The following KCNB2 variants were observed in gnomAD, a reference collection of about 807,000 sequenced individuals.
KCNB2 encodes delayed rectifier potassium channel protein.
A neutral mutation model predicts 61.5 loss-of-function variants in KCNB2; 15 were observed. The ratio of observed to expected loss-of-function variants is 0.24; its 90% CI spans 0.16 to 0.38. KCNB2 has a LOEUF of 0.38. KCNB2 is among the 10% of genes least tolerant of loss of function. The pLI is 1.00. For missense variants in KCNB2, 828 were observed against 1,125.2 expected (o/e 0.74, Z 3.78); for synonymous variants, 457 against 446.0 (o/e 1.02, Z -0.31).
chr8:72,641,786 C>T (rs1806059716), intron 2 of KCNB2, among the ~76,000 whole-genome samples: 1 of 152,076 alleles, frequency 6.6e-6, no homozygotes, highest in Non-Finnish European at 1.5e-5. Context: ...TTACCTACCT[C>T]ATAGGCTAGT....
intron 2 of KCNB2, among the ~76,000 whole-genome samples, chr8:72,830,064 GTCT>G (rs1026400048): frequency 6.6e-6 from 1 of 151,282 alleles, no homozygotes; most frequent in African/African-American, 2.4e-5. Flanking sequence ...AGAATATCCA[GTCT>G]TCTTCAAAAT....
At position 72,859,706 on chromosome 8, in the gene KCNB2, C is replaced by CTTTTTTTTTTTTTTTT. The variant is rs1810264452; in HGVS notation, c.580-76229_580-76228insTTTTTTTTTTTTTTTT. Among the ~76,000 whole-genome samples the CTTTTTTTTTTTTTTTT allele has an allele frequency of 1.4e-4, 10 of 73,448 alleles. 4 individuals are homozygous for CTTTTTTTTTTTTTTTT. The highest frequency in any genetic ancestry group is 2.4e-5 in the Non-Finnish European group (1 of 41,236). The allele number at this position is 73,448 out of a possible 152,430, so 48.2% of individuals were successfully genotyped here. The stretch of plus-strand genomic sequence containing the variant: ...TGTAGCATGGATCAGTACTTCATTT[C>CTTTTTTTTTTTTTTTT]GTTTTTTTTTTTTTTTTTTTTTTTT... On this transcript the variant is annotated intron_variant, in intron 2 of 2. Transcript: ENST00000523207.
intron 2 of KCNB2, among the ~76,000 whole-genome samples, chr8:72,836,376 T>C (rs1809782990): frequency 6.6e-6 from 1 of 152,200 alleles, no homozygotes; most frequent in Admixed American, 6.5e-5. Flanking sequence ...ATCGACTGAA[T>C]AGAAAATGGA....
At chr8:72,751,553 T>C (rs1808187857) in intron 2 of KCNB2, 2 of 152,122 alleles carry the variant, frequency 1.3e-5, no homozygotes, top group South Asian at 4.2e-4. Context: ...GCAAACTAAC[T>C]ATGCTAAGGT....
chr8:72,767,889 T>C (rs1342937956), intron 2 of KCNB2, among the ~76,000 whole-genome samples: 1 of 152,160 alleles, frequency 6.6e-6, no homozygotes, highest in Non-Finnish European at 1.5e-5. Flanking sequence ...TTAGTATTTG[T>C]CTTTTTTATT....
chr8:72,915,605 G>A (rs941848020), intron 2 of KCNB2, among the ~76,000 whole-genome samples: 2 of 152,116 alleles, frequency 1.3e-5, no homozygotes, highest in Admixed American at 1.3e-4. Flanking sequence ...ATGAAATAAA[G>A]GCAGTATTTT....
chr8:72,726,681 T>A (rs916434624), intron 2 of KCNB2, among the ~76,000 whole-genome samples: 2 of 152,248 alleles, frequency 1.3e-5, no homozygotes, highest in African/African-American at 4.8e-5. Flanking sequence ...ACAGGTTATT[T>A]GTCTTTCGTT....
intron 2 of KCNB2, among the ~76,000 whole-genome samples, chr8:72,706,411 A>G (rs1807224659): frequency 6.6e-6 from 1 of 152,210 alleles, no homozygotes; most frequent in Non-Finnish European, 1.5e-5. Context: ...AAAAAAATAT[A>G]AGTGTAGTCC....
At chr8:72,696,758 C>A (rs1184202467) in intron 2 of KCNB2, among the ~76,000 whole-genome samples, 1 of 152,140 alleles carries the variant, frequency 6.6e-6, no homozygotes, top group Non-Finnish European at 1.5e-5. Context: ...CCTTTATGAA[C>A]CATGGACATG....
intron 2 of KCNB2, among the ~76,000 whole-genome samples, chr8:72,630,811 A>G (rs1346207871): frequency 3.9e-5 from 6 of 152,068 alleles, no homozygotes; most frequent in Admixed American, 2.0e-4. Flanking sequence ...TTTTTTTGGT[A>G]AAAGGGGAGA....
At chr8:72,601,637 C>A (rs1300015964) in intron 2 of KCNB2, among the ~76,000 whole-genome samples, 1 of 152,132 alleles carries the variant, frequency 6.6e-6, no homozygotes, top group Non-Finnish European at 1.5e-5. Context: ...ACTGAACTTC[C>A]ACTGTGAAGT....
intron 2 of KCNB2, among the ~76,000 whole-genome samples, chr8:72,707,228 CA>C: frequency 6.6e-6 from 1 of 152,252 alleles, no homozygotes; most frequent in South Asian, 2.1e-4. Context: ...TAATAACCCT[CA>C]CAAAAATAAT....
intron 2 of KCNB2, among the ~76,000 whole-genome samples, chr8:72,844,271 T>C (rs1809946493): frequency 6.6e-6 from 1 of 152,208 alleles, no homozygotes; most frequent in African/African-American, 2.4e-5. Context: ...TGGCCCCCAC[T>C]CTCTTCTGAC....
At position 72,705,851 on chromosome 8, in the gene KCNB2, G is replaced by C. The variant is rs960945384; in HGVS notation, c.579+137538G>C. On this transcript the variant is annotated intron_variant, in intron 2 of 2. Transcript: ENST00000523207. ...CCCAAGCACCCTCAATGGGAGAACT[G>C]AGAGTGCAAACAAGAGGCTCAGTTT... is the stretch of plus-strand genomic sequence containing the variant. Among the ~76,000 whole-genome samples the C allele has an allele frequency of 8.5e-5, 13 of 152,222 alleles. No homozygotes were observed. The South Asian group carries it at 2.7e-3, about 31-fold the overall frequency.
rs141462279 is a variant in KCNB2 at position 72,865,141 on chromosome 8, A to T, written c.580-70794A>T. Among the ~76,000 whole-genome samples, 402 of 151,998 alleles carry T rather than the reference A, an allele frequency of 2.6e-3. 4 individuals carry two copies. The highest frequency in any genetic ancestry group is 9.1e-3 in the African/African-American group (378 of 41,456). ...TATTCTGGGCCTTTCCCTTTACTTC[A>T]TCCTGCTGTTGGCTGAGTTGTAGCC... On this transcript the variant is annotated intron_variant, in intron 2 of 2. Transcript: ENST00000523207.
chr8:72,650,063 A>G (rs1806190251), intron 2 of KCNB2, among the ~76,000 whole-genome samples: 1 of 152,204 alleles, frequency 6.6e-6, no homozygotes, highest in Non-Finnish European at 1.5e-5. Flanking sequence ...ATAAAGCACC[A>G]TTAAAAGGAA....
At chr8:72,583,442 T>C (rs530590562) in intron 2 of KCNB2, among the ~76,000 whole-genome samples, 14 of 151,700 alleles carry the variant, frequency 9.2e-5, no homozygotes, top group African/African-American at 3.1e-4. Context: ...GCATTATAAA[T>C]TAATTCTTTC....
chr8:72,655,059 T>C (rs977193172), intron 2 of KCNB2, among the ~76,000 whole-genome samples: 11 of 152,096 alleles, frequency 7.2e-5, no homozygotes, highest in African/African-American at 2.7e-4. Flanking sequence ...TGCCCATCAG[T>C]GGTAGAATGG....
intron 2 of KCNB2, among the ~76,000 whole-genome samples, chr8:72,742,104 C>CCAA (rs1283227495): frequency 3.3e-5 from 5 of 152,192 alleles, no homozygotes; most frequent in African/African-American, 1.2e-4. Context: ...TGCCCATCAA[C>CCAA]CAACATGTGC....
Sources: gnomAD v4.1 joint callset for allele counts (sites outside exome capture counted in the v4.1 genomes callset) on GRCh38, gnomAD v4.1.1 for gene constraint, MANE v1.5 for transcripts, NCBI Gene and HGNC (gene_info 2026-07-23, HGNC 2026-07-21) for gene names.